Variants in PRKN observed in about 807,000 individuals in gnomAD.
PRKN encodes the protein parkin RBR E3 ubiquitin protein ligase, also known as E3 ubiquitin-protein ligase parkin.
A neutral mutation model predicts 59.5 loss-of-function variants in PRKN; 56 were observed. The observed-to-expected ratio is 0.94, with a 90% CI of 0.76 to 1.18. PRKN has a LOEUF of 1.18. Ranked by LOEUF, PRKN falls within the 50% of genes most tolerant of loss-of-function variation. PRKN has a pLI of 0.00. For synonymous variants in PRKN, 250 were observed against 222.1 expected, an observed-to-expected ratio of 1.13 and a Z score of -1.12; for missense variants, 657 against 596.4, an observed-to-expected ratio of 1.10 and a Z score of -1.06.
intron 2 of PRKN, among the ~76,000 whole-genome samples, chr6:162,371,116 T>C (rs1259652812): frequency 6.6e-6 from 1 of 152,296 alleles, no homozygotes; most frequent in East Asian, 1.9e-4. Flanking sequence ...AGATAATTAT[T>C]TGGTATCCTT....
intron 7 of PRKN, among the ~76,000 whole-genome samples, chr6:161,723,604 AAGAC>A (rs1562633769): frequency 6.6e-6 from 1 of 152,172 alleles, no homozygotes; most frequent in African/African-American, 2.4e-5. Context: ...GAAAGAAAGA[AAGAC>A]AGACACTTTC....
chr6:161,765,569 T>TA (rs1442620793), intron 7 of PRKN, among the ~76,000 whole-genome samples: 8 of 152,296 alleles, frequency 5.3e-5, no homozygotes, highest in African/African-American at 1.9e-4. Context: ...CTTCTATTGA[T>TA]ATGATGATAG....
intron 2 of PRKN, among the ~76,000 whole-genome samples, chr6:162,346,716 T>C (rs1200006945): frequency 6.6e-6 from 1 of 152,148 alleles, no homozygotes; most frequent in African/African-American, 2.4e-5. Flanking sequence ...TTTAAAATAC[T>C]TTTTCAGCAT....
chr6:162,068,951 T>C (rs1221124657), intron 4 of PRKN, among the ~76,000 whole-genome samples: 1 of 152,160 alleles, frequency 6.6e-6, no homozygotes, highest in East Asian at 1.9e-4. Flanking sequence ...ATAACATTAG[T>C]TGTCAAGTAC....
intron 8 of PRKN, among the ~76,000 whole-genome samples, chr6:161,567,318 C>T (rs995652551): frequency 6.6e-6 from 1 of 152,082 alleles, no homozygotes; most frequent in East Asian, 1.9e-4. Flanking sequence ...AAAGTGTTAT[C>T]ATTACAGGTG....
chr6:162,569,230 G>T, intron 1 of PRKN: 1 of 574,102 alleles, frequency 1.7e-6, no homozygotes. Context: ...GCCAGCCCCA[G>T]GCTGAGACTG....
intron 7 of PRKN, among the ~76,000 whole-genome samples, chr6:161,744,503 C>T (rs1788331108): frequency 6.6e-6 from 1 of 151,992 alleles, no homozygotes; most frequent in African/African-American, 2.4e-5. Context: ...GAACCAGCAC[C>T]GGTTGCTCCA....
intron 1 of PRKN, among the ~76,000 whole-genome samples, chr6:162,699,970 G>A (rs1778095806): frequency 6.6e-6 from 1 of 152,148 alleles, no homozygotes; most frequent in Non-Finnish European, 1.5e-5. Context: ...GAACCCTGAT[G>A]AACTTCATCC....
chr6:161,835,604 T>C (rs527741729), intron 6 of PRKN, among the ~76,000 whole-genome samples: 1 of 152,156 alleles, frequency 6.6e-6, no homozygotes, highest in South Asian at 2.1e-4. Flanking sequence ...CTGGGCCCCA[T>C]GCGTTTCCAC....
chr6:162,160,507 T>C (rs1218171699), intron 4 of PRKN, among the ~76,000 whole-genome samples: 1 of 152,096 alleles, frequency 6.6e-6, no homozygotes, highest in Admixed American at 6.6e-5. Flanking sequence ...TATTTACAGA[T>C]ATCAAAATAT....
intron 7 of PRKN, among the ~76,000 whole-genome samples, chr6:161,764,003 T>C (rs1025161788): frequency 6.6e-6 from 1 of 152,166 alleles, no homozygotes; most frequent in Non-Finnish European, 1.5e-5. Flanking sequence ...TATATGAAGC[T>C]TCCAGCATCT....
intron 1 of PRKN, among the ~76,000 whole-genome samples, chr6:162,489,823 T>C (rs1792723459): frequency 6.6e-6 from 1 of 152,224 alleles, no homozygotes; most frequent in Admixed American, 6.5e-5. Flanking sequence ...TCCACTTTGC[T>C]ACAGATCACA....
rs781037446 is a variant in PRKN, at chr6:162,056,643, G to A, written c.535-2469C>T. 6.6e-6 allele frequency among the ~76,000 whole-genome samples: 1 copy of A among 152,168 alleles called. No homozygotes were observed. Among genetic ancestry groups the A allele is most frequent in the Non-Finnish European group, 1.5e-5 (1 of 68,034 alleles). On this transcript the variant is annotated intron_variant, in intron 4 of 11. Coordinates refer to ENST00000366898, the MANE Select transcript of PRKN (RefSeq NM_004562.3). This position sits in a 1 kb window ranked among gnomAD's most constrained non-coding sequence, Gnocchi z 4.9. Reference sequence around the variant, plus strand: ...CAAGCTTGGCCCTTGGCTGGCATCTGGGAATGTGAATTTTGGAAGCGTCCA... The same window carrying A: ...CAAGCTTGGCCCTTGGCTGGCATCTAGGAATGTGAATTTTGGAAGCGTCCA...
intron 2 of PRKN, among the ~76,000 whole-genome samples, chr6:162,416,599 A>G (rs1788639643): frequency 6.6e-6 from 1 of 152,308 alleles, no homozygotes; most frequent in Admixed American, 6.5e-5. Context: ...TGTGGGCAGA[A>G]CATCATCAAT....
intron 1 of PRKN, among the ~76,000 whole-genome samples, chr6:162,490,842 C>T (rs1252750010): frequency 2.0e-5 from 3 of 152,120 alleles, no homozygotes; most frequent in Admixed American, 1.3e-4. Flanking sequence ...TTCAAAAGGA[C>T]GGCACGAGGG....
chr6:161,429,912 C>T lies in PRKN; in HGVS notation c.1084-43035G>A, dbSNP rs764908158. On this transcript the variant is annotated intron_variant, in intron 9 of 11. Coordinates refer to ENST00000366898, the MANE Select transcript of PRKN (RefSeq NM_004562.3). The surrounding 1 kb of genome is among the most constrained non-coding windows in gnomAD (Gnocchi z 4.2). ...TAACAAGTTAGTCTGCTCAGTTTTACGGAGGCCAGGAGAAGACCAGAGGTT... is the reference window on the plus strand; with the variant it reads ...TAACAAGTTAGTCTGCTCAGTTTTATGGAGGCCAGGAGAAGACCAGAGGTT... Among the ~76,000 whole-genome samples, 63 of 152,138 alleles carry T rather than the reference C, an allele frequency of 4.1e-4. No homozygotes were observed. The highest frequency in any genetic ancestry group is 6.5e-4 in the Non-Finnish European group (44 of 68,036).
At chr6:162,391,923 A>T (rs1787219032) in intron 2 of PRKN, among the ~76,000 whole-genome samples, 2 of 152,196 alleles carry the variant, frequency 1.3e-5, no homozygotes, top group Admixed American at 1.3e-4. Flanking sequence ...CAACTCCAGG[A>T]TTTAAATAGT....
intron 9 of PRKN, among the ~76,000 whole-genome samples, chr6:161,521,580 A>T (rs1257317971): frequency 2.6e-5 from 4 of 152,232 alleles, no homozygotes; most frequent in Non-Finnish European, 5.9e-5. Context: ...TGTGCACTTC[A>T]TATAAGCTTC....
intron 6 of PRKN, among the ~76,000 whole-genome samples, chr6:161,927,245 A>G (rs138312082): frequency 5.0e-4 from 76 of 152,314 alleles, no homozygotes; most frequent in African/African-American, 1.7e-3. Context: ...TTTTACTCAT[A>G]TATTTTGAAG....
Sources: gnomAD v4.1 joint callset for allele counts (sites outside exome capture counted in the v4.1 genomes callset) on GRCh38, gnomAD v4.1.1 for gene constraint, Gnocchi (gnomAD v3.1) non-coding constraint, MANE v1.5 for transcripts, NCBI Gene and HGNC (gene_info 2026-07-23, HGNC 2026-07-21) for gene names.